KLHL13: variants seen among roughly 807,000 people sequenced by gnomAD.
KLHL13 encodes the protein kelch like family member 13.
In KLHL13, 10 loss-of-function variants were observed where a neutral mutation model predicts 37.1. The ratio of observed to expected loss-of-function variants is 0.27; its 90% confidence interval spans 0.17 to 0.46. KLHL13 has a LOEUF of 0.46. Ranked by LOEUF, KLHL13 falls within the 20% of genes least tolerant of loss-of-function variation. The probability of loss-of-function intolerance (pLI) is 1.00; values close to 1 mark genes in which losing one functional copy is unlikely to be tolerated. For synonymous variants in KLHL13, 163 were observed against 181.2 expected, an observed-to-expected ratio of 0.90 and a Z score of 0.81; for missense variants, 360 against 509.3, an observed-to-expected ratio of 0.71 and a Z score of 2.82.
chrX:118,008,156 T>A (rs111866219), intron 1 of KLHL13, among the ~76,000 whole-genome samples: 2,994 of 111,820 alleles, frequency 0.027, 98 homozygotes, highest in African/African-American at 0.092. Flanking sequence ...ACACAACTGT[T>A]GTTCAGGAGC....
At chrX:117,982,952 C>A (rs1420753806) in intron 1 of KLHL13, among the ~76,000 whole-genome samples, 1 of 112,173 alleles carries the variant, frequency 8.9e-6, no homozygotes, top group African/African-American at 3.2e-5. Context: ...AAAGTAAGGT[C>A]TCCAGCTGGC....
chrX:118,012,319 G>A (rs1470511602), intron 1 of KLHL13, among the ~76,000 whole-genome samples: 1 of 111,729 alleles, frequency 9.0e-6, no homozygotes, highest in Non-Finnish European at 1.9e-5. Context: ...TACAGCTCTG[G>A]AGGTCAGAAA....
chrX:118,031,319 C>T (rs1046054421), intron 1 of KLHL13, among the ~76,000 whole-genome samples: 7 of 106,791 alleles, frequency 6.6e-5, no homozygotes, highest in Non-Finnish European at 1.2e-4. Flanking sequence ...TGAGTTTTTC[C>T]ATTACCTTAC....
At chrX:117,955,663 T>C (rs2053193661) in intron 1 of KLHL13, among the ~76,000 whole-genome samples, 1 of 111,994 alleles carries the variant, frequency 8.9e-6, no homozygotes, top group Non-Finnish European at 1.9e-5. Flanking sequence ...GATAGTTCTT[T>C]CAAGCTCATC....
chrX:118,097,608 G>C (rs1163765969), intron 1 of KLHL13, among the ~76,000 whole-genome samples: 2 of 111,729 alleles, frequency 1.8e-5, no homozygotes, highest in African/African-American at 3.3e-5. Context: ...CCAAAAAAGA[G>C]CCCGCATTGC....
chrX:118,080,729 T>C (rs1330897687), intron 1 of KLHL13, among the ~76,000 whole-genome samples: 1 of 111,871 alleles, frequency 8.9e-6, no homozygotes, highest in Non-Finnish European at 1.9e-5. Context: ...TAAAACAGAG[T>C]TACCATTTGA....
At chrX:117,971,825 AT>A (rs1387146098) in intron 1 of KLHL13, among the ~76,000 whole-genome samples, 1 of 111,683 alleles carries the variant, frequency 9.0e-6, no homozygotes, top group Non-Finnish European at 1.9e-5. Flanking sequence ...AGTTTTCCAC[AT>A]TTTTCCTACT....
At chrX:118,072,744 C>T (rs2054884514) in intron 1 of KLHL13, among the ~76,000 whole-genome samples, 1 of 112,035 alleles carries the variant, frequency 8.9e-6, no homozygotes, top group African/African-American at 3.2e-5. Flanking sequence ...AATAGATCCA[C>T]AAAAGTTTAG....
Position 117,971,521 on chromosome X carries a change from T to G in KLHL13, c.98+1210A>C, listed in dbSNP as rs1012768566. Among the ~76,000 whole-genome samples the G allele has an allele frequency of 5.4e-5, 6 of 110,809 alleles. No homozygotes were observed. The East Asian group carries it at 1.7e-3, about 31-fold the overall frequency. Reference sequence around the variant, plus strand: ...CTATTTTTTTTTTTACTTCATAAAGTTTAACACCCAAAGAGATAAAAATAT... The same window carrying G: ...CTATTTTTTTTTTTACTTCATAAAGGTTAACACCCAAAGAGATAAAAATAT... On this transcript the variant is annotated intron_variant, in intron 1 of 6. Coordinates refer to ENST00000262820, the Ensembl canonical transcript of KLHL13.
intron 1 of KLHL13, among the ~76,000 whole-genome samples, chrX:117,992,228 G>A (rs1307332776): frequency 3.5e-5 from 3 of 85,160 alleles, no homozygotes; most frequent in African/African-American, 1.1e-4. Context: ...TAGAGAAACT[G>A]AGATGTAAAA....
At chrX:117,953,223 C>T (rs1933723686) in intron 1 of KLHL13, among the ~76,000 whole-genome samples, 1 of 110,750 alleles carries the variant, frequency 9.0e-6, no homozygotes, top group Admixed American at 9.6e-5. Context: ...TACTATGCAG[C>T]CATAAAAAAT....
At chrX:118,062,797 G>A (rs1277264646) in intron 1 of KLHL13, among the ~76,000 whole-genome samples, 3 of 111,044 alleles carry the variant, frequency 2.7e-5, no homozygotes, top group East Asian at 5.6e-4. Flanking sequence ...ACGTCTGACA[G>A]GGTTGAAAGC....
chrX:118,042,721 C>T (rs1233518865), intron 1 of KLHL13, among the ~76,000 whole-genome samples: 3 of 110,765 alleles, frequency 2.7e-5, no homozygotes, highest in Non-Finnish European at 5.7e-5. Context: ...ACAAAACATA[C>T]AAAACCTATA....
intron 1 of KLHL13, chrX:117,985,412 G>A (rs1050944839): frequency 3.4e-6 from 3 of 886,141 alleles, no homozygotes; most frequent in Admixed American, 1.2e-4. Flanking sequence ...CACTTCAGTT[G>A]TAGCTCCCAA....
chrX:118,033,349 C>G (rs1018406379), intron 1 of KLHL13, among the ~76,000 whole-genome samples: 13 of 111,219 alleles, frequency 1.2e-4, no homozygotes, highest in Non-Finnish European at 2.1e-4. Context: ...AGAGAAAGGT[C>G]GGGTTACCCT....
At chrX:118,022,320 G>A (rs141106423) in intron 1 of KLHL13, among the ~76,000 whole-genome samples, 9,428 of 111,494 alleles carry the variant, frequency 0.085, 351 homozygotes, top group Middle Eastern at 0.14. Flanking sequence ...ATATCTCGAG[G>A]AAGTGCTAAT....
At chrX:118,075,749 G>T (rs776545545) in intron 1 of KLHL13, among the ~76,000 whole-genome samples, 4 of 111,609 alleles carry the variant, frequency 3.6e-5, no homozygotes, top group Non-Finnish European at 7.5e-5. Context: ...AGCACTGTGT[G>T]CCATCCAAGT....
chrX:118,080,583 T>C (rs185394444), intron 1 of KLHL13, among the ~76,000 whole-genome samples: 71 of 112,120 alleles, frequency 6.3e-4, no homozygotes, highest in African/African-American at 4.9e-4. Context: ...CCAGTGAGAA[T>C]GGCTGTTATT....
rs1000663863 is a variant in KLHL13 at position 118,048,491 on chromosome X, A to G, written c.-56+68017T>C. On this transcript the variant is annotated intron_variant, in intron 1 of 6. Coordinates refer to the KLHL13 transcript ENST00000371882. ...TGTATCTTTTTTTGTTGAGGATCTA[A>G]AACAAAAATGGCAAAATTTTGAGGT... Among the ~76,000 whole-genome samples, 4 of 111,831 alleles carry G rather than the reference A, an allele frequency of 3.6e-5. No homozygotes were observed. In the Admixed American group the frequency reaches 3.8e-4, roughly 11 times the overall value.
Sources: gnomAD v4.1 joint callset for allele counts (sites outside exome capture counted in the v4.1 genomes callset) on GRCh38, gnomAD v4.1.1 for gene constraint, MANE v1.5 for transcripts, NCBI Gene and HGNC (gene_info 2026-07-23, HGNC 2026-07-21) for gene names.